ANKRD18A: variants seen among roughly 807,000 people sequenced by gnomAD.
ANKRD18A encodes the protein ankyrin repeat domain 18A.
ANKRD18A carries 72 observed loss-of-function variants against 110.6 expected under a neutral mutation model. That is an observed-to-expected ratio of 0.65 (90% CI 0.54 to 0.79). ANKRD18A has a LOEUF of 0.79. ANKRD18A is among the 30% of genes least tolerant of loss of function. The probability of loss-of-function intolerance (pLI) is 0.00; values close to 1 mark genes in which losing one functional copy is unlikely to be tolerated. For missense variants in ANKRD18A, 934 were observed against 1,163.3 expected (o/e 0.80, Z 2.87); for synonymous variants, 305 against 410.3 (o/e 0.74, Z 3.10).
chr9:38,603,225 CA>C lies in ANKRD18A; in HGVS notation c.809-14del. On this transcript the variant is annotated splice_polypyrimidine_tract_variant and intron_variant, in intron 6 of 15. Transcript: ENST00000399703. ...ATAGCTGCTGTTTCTGTCAAACATG[CA>C]AACTTGTTAGATATTCCTTCTGGAA... 6.4e-7 allele frequency: 1 copy of C among 1,550,806 alleles called. No individual in the cohort carries two copies. Among genetic ancestry groups the C allele is most frequent in the South Asian group, 1.2e-5 (1 of 84,018 alleles).
intron 12 of ANKRD18A, among the ~76,000 whole-genome samples, chr9:38,580,233 T>A (rs1824097069): frequency 1.3e-5 from 2 of 152,036 alleles, no homozygotes; most frequent in African/African-American, 4.8e-5. Flanking sequence ...TAGAGAGACA[T>A]CTCTACAAAG....
chr9:38,596,529 G>A, intron 8 of ANKRD18A, 126 bp from the exon 9 acceptor site: 4 of 863,320 alleles, frequency 4.6e-6, no homozygotes, highest in Non-Finnish European at 4.8e-6. Context: ...ATATCCAACT[G>A]GAGAAAAAGT....
At chr9:38,607,350 C>G (rs1825407796) in intron 6 of ANKRD18A, 76 bp downstream of exon 6, 3 of 1,244,950 alleles carry the variant, frequency 2.4e-6, no homozygotes, top group South Asian at 3.0e-5. Flanking sequence ...AGCCACCATG[C>G]CTGGCCTGTA....
downstream of ANKRD18A, among the ~76,000 whole-genome samples, chr9:38,569,857 G>A (rs1466434756): frequency 6.6e-6 from 1 of 152,076 alleles, no homozygotes; most frequent in Non-Finnish European, 1.5e-5. Flanking sequence ...GAGGGGTGCC[G>A]AGCAGAGCAG....
At chr9:38,599,550 T>C (rs1280486289) in intron 8 of ANKRD18A, among the ~76,000 whole-genome samples, 2 of 152,024 alleles carry the variant, frequency 1.3e-5, no homozygotes, top group African/African-American at 2.4e-5. Flanking sequence ...ACACAACCTC[T>C]GCCTCTCAGG....
In ANKRD18A at chr9:38,571,668, C is replaced by A. The variant is rs1020996660; in HGVS notation, c.*377G>T. 2.0e-6 allele frequency: 2 copies of A among 1,022,296 alleles called. No individual in the cohort carries two copies. Among genetic ancestry groups the A allele is most frequent in the Non-Finnish European group, 2.3e-6 (2 of 855,304 alleles). 63.3% of individuals were successfully genotyped at this position (1,022,296 alleles called of 1,614,324 possible). The stretch of plus-strand genomic sequence containing the variant: ...AAAATGCAAAGAAGCCCTCGATGAC[C>A]TTTACTAAAGTATCAATGATGACTT... On this transcript the variant is annotated 3_prime_UTR_variant, in exon 16 of 16. Transcript: ENST00000399703.
chr9:38,574,419 AC>A (rs1823788995), intron 15 of ANKRD18A, among the ~76,000 whole-genome samples: 1 of 152,126 alleles, frequency 6.6e-6, no homozygotes, highest in Non-Finnish European at 1.5e-5. Flanking sequence ...TTTAGGTATA[AC>A]CCTAGTATAG....
chr9:38,620,523 C>A lies in ANKRD18A; in HGVS notation c.-238G>T. 7.2e-7 allele frequency: 1 copy of A among 1,394,802 alleles called. No homozygotes were observed. The allele number at this position is 1,394,802 out of a possible 1,614,324, so 86.4% of individuals were successfully genotyped here. ...CAGCGACACTCGCAGACTCCGACCT[C>A]TCAGACCGAGTGAGCCCAGCTAAGC... On this transcript the variant is annotated 5_prime_UTR_variant, in exon 1 of 16. Coordinates refer to ENST00000399703, the MANE Select transcript of ANKRD18A (RefSeq NM_147195.4).
At chr9:38,619,271 A>C (rs1825982805) in intron 1 of ANKRD18A, among the ~76,000 whole-genome samples, 1 of 152,156 alleles carries the variant, frequency 6.6e-6, no homozygotes, top group Admixed American at 6.5e-5. Flanking sequence ...TTTGCGACAT[A>C]AAGTTTCATT....
At chr9:38,588,457 A>G in intron 11 of ANKRD18A, 94 bp downstream of exon 11, 1 of 823,968 alleles carries the variant, frequency 1.2e-6, no homozygotes, top group Non-Finnish European at 1.7e-6. Context: ...AAATGAAGAC[A>G]TAAAATGGAT....
chr9:38,607,516 A>C, intron 5 of ANKRD18A, 23 bp from the exon 6 acceptor site: 3 of 1,396,086 alleles, frequency 2.1e-6, no homozygotes, highest in Non-Finnish European at 2.9e-6. Flanking sequence ...AACGTAATAA[A>C]ATTAGTATTT....
chr9:38,588,338 A>G lies in ANKRD18A; in HGVS notation c.2117+213T>C, dbSNP rs1006815864. On this transcript the variant is annotated intron_variant, in intron 11 of 15. Coordinates refer to ENST00000399703, the MANE Select transcript of ANKRD18A (RefSeq NM_147195.4). ...TTTATACTGAAATTTGATTTTTTTA[A>G]TAATTCCAACAAAAAAGTCCAAGGG... Among the ~76,000 whole-genome samples, 10 of 152,202 alleles carry G rather than the reference A, an allele frequency of 6.6e-5. No individual in the cohort carries two copies. The South Asian group carries it at 8.3e-4, about 13-fold the overall frequency.
chr9:38,617,161 G>A (rs1387947893), intron 1 of ANKRD18A, among the ~76,000 whole-genome samples: 1 of 152,168 alleles, frequency 6.6e-6, no homozygotes, highest in African/African-American at 2.4e-5. Flanking sequence ...TGGGAAGCTG[G>A]CCGGGCCCAG....
intron 12 of ANKRD18A, 102 bp from the exon 13 acceptor site, chr9:38,578,250 G>A (rs1443412156): frequency 4.4e-6 from 5 of 1,145,626 alleles, no homozygotes; most frequent in Non-Finnish European, 6.1e-6. Context: ...GAAATAAAAT[G>A]TTATCTATAA....
downstream of ANKRD18A, among the ~76,000 whole-genome samples, chr9:38,569,677 GTGTT>G (rs1441425539): frequency 1.3e-5 from 2 of 152,168 alleles, no homozygotes; most frequent in Admixed American, 6.5e-5. Context: ...ACATATGGGT[GTGTT>G]TGTTTGTCTT....
intron 3 of ANKRD18A, among the ~76,000 whole-genome samples, chr9:38,615,355 A>T (rs1825804770): frequency 6.6e-6 from 1 of 151,996 alleles, no homozygotes; most frequent in South Asian, 2.1e-4. Context: ...GTAGGAAACA[A>T]ATACTTGAAA....
At chr9:38,579,816 CCA>C (rs1824075163) in intron 12 of ANKRD18A, among the ~76,000 whole-genome samples, 1 of 152,142 alleles carries the variant, frequency 6.6e-6, no homozygotes, top group East Asian at 1.9e-4. Flanking sequence ...TCCAGCAACC[CCA>C]CTACTGGGTA....
At chr9:38,584,233 T>C (rs1824280221) in intron 12 of ANKRD18A, among the ~76,000 whole-genome samples, 1 of 152,186 alleles carries the variant, frequency 6.6e-6, no homozygotes, top group Non-Finnish European at 1.5e-5. Context: ...TTGGCTGAAC[T>C]AAGGAGCGAA....
chr9:38,607,139 C>A lies in ANKRD18A; in HGVS notation c.808+287G>T, dbSNP rs184705279. Among the ~76,000 whole-genome samples, 908 of 152,286 alleles carry A rather than the reference C, an allele frequency of 6.0e-3. 13 individuals are homozygous for A. Among genetic ancestry groups the A allele is most frequent in the African/African-American group, 0.02 (834 of 41,562 alleles). ...TGGTGCAATCTCGGCTCACTGCAAC[C>A]TCCACTTCCCGGGTTCAAGTGATTC... On this transcript the variant is annotated intron_variant, in intron 6 of 15. Coordinates refer to ENST00000399703, the MANE Select transcript of ANKRD18A (RefSeq NM_147195.4).
Sources: gnomAD v4.1 joint callset for allele counts (sites outside exome capture counted in the v4.1 genomes callset) on GRCh38, gnomAD v4.1.1 for gene constraint, MANE v1.5 for transcripts, NCBI Gene and HGNC (gene_info 2026-07-23, HGNC 2026-07-21) for gene names.